SNX9: variants seen among roughly 807,000 people sequenced by gnomAD.
SNX9 encodes sorting nexin 9.
SNX9 carries 44 observed loss-of-function variants against 89.4 expected under a neutral mutation model. The ratio of observed to expected loss-of-function variants is 0.49; its 90% CI spans 0.39 to 0.63. The LOEUF is 0.63. Ranked by LOEUF, SNX9 falls within the 30% of genes least tolerant of loss-of-function variation. The pLI is 0.00. For missense variants in SNX9, 578 were observed against 736.1 expected, an observed-to-expected ratio of 0.79 and a Z score of 2.49; for synonymous variants, 236 against 247.8, an observed-to-expected ratio of 0.95 and a Z score of 0.45.
chr6:157,922,246 G>A (rs1031128403), intron 10 of SNX9, among the ~76,000 whole-genome samples: 1 of 152,146 alleles, frequency 6.6e-6, no homozygotes, highest in Non-Finnish European at 1.5e-5. Flanking sequence ...TCTCAAAAGT[G>A]TCTGCTTTGG....
chr6:157,873,013 T>G, intron 2 of SNX9, 89 bp from the exon 3 acceptor site: 1 of 987,116 alleles, frequency 1.0e-6, no homozygotes, highest in Non-Finnish European at 1.4e-6. Flanking sequence ...TTGCTTTTTT[T>G]ATGTATAACA....
At chr6:157,928,723 G>A in intron 12 of SNX9, 21 bp downstream of exon 12, 2 of 1,547,832 alleles carry the variant, frequency 1.3e-6, no homozygotes, top group Non-Finnish European at 1.7e-6. Context: ...TCCTCACAGT[G>A]CACTGGGCTC....
chr6:157,905,955 C>T (rs1390502661), intron 6 of SNX9, among the ~76,000 whole-genome samples, 173 bp from the exon 7 acceptor site: 1 of 152,188 alleles, frequency 6.6e-6, no homozygotes, highest in African/African-American at 2.4e-5. Flanking sequence ...AATTAAATGC[C>T]TAATTGGCCA....
At chr6:157,892,368 C>T (rs893572369) in intron 4 of SNX9, among the ~76,000 whole-genome samples, 3 of 152,102 alleles carry the variant, frequency 2.0e-5, no homozygotes, top group Non-Finnish European at 2.9e-5. Flanking sequence ...GGGACTGAGT[C>T]CGAGGGCCGT....
intron 12 of SNX9, among the ~76,000 whole-genome samples, chr6:157,931,777 A>G (rs114817088): frequency 0.015 from 2,265 of 152,336 alleles, 62 homozygotes; most frequent in African/African-American, 0.051. Flanking sequence ...TTTATTAGCC[A>G]TGTGACCTTG....
chr6:157,835,239 C>T, intron 1 of SNX9, among the ~76,000 whole-genome samples: 1 of 152,068 alleles, frequency 6.6e-6, no homozygotes, highest in East Asian at 1.9e-4. Context: ...TTTCAAACTC[C>T]TGACACCAAG....
Position 157,938,566 on chromosome 6 carries a change from G to A in SNX9, c.1534-67G>A. 5 of 1,027,490 alleles carry A rather than the reference G, an allele frequency of 4.9e-6. No homozygotes were observed. In the South Asian group the frequency reaches 6.8e-5, roughly 14 times the overall value. 63.6% of individuals were successfully genotyped at this position (1,027,490 alleles called of 1,614,324 possible). ...ATCAGTTATAGAATATATTAGCATT[G>A]TTATATTTTAAACTAATGACTAATC... On this transcript the variant is annotated intron_variant, in intron 15 of 17. Transcript: ENST00000392185.
intron 1 of SNX9, among the ~76,000 whole-genome samples, chr6:157,847,248 G>A (rs1303444498): frequency 6.6e-6 from 1 of 152,040 alleles, no homozygotes; most frequent in Non-Finnish European, 1.5e-5. Context: ...GACCACAGGT[G>A]TGCACCACAC....
chr6:157,863,241 C>T (rs897984666), intron 1 of SNX9, among the ~76,000 whole-genome samples: 2 of 152,226 alleles, frequency 1.3e-5, no homozygotes, highest in Admixed American at 1.3e-4. Context: ...TGTGTATGGT[C>T]ATACTCCTCT....
chr6:157,842,287 A>T (rs1029154946), intron 1 of SNX9, among the ~76,000 whole-genome samples: 10 of 152,218 alleles, frequency 6.6e-5, no homozygotes, highest in Admixed American at 5.9e-4. Context: ...TGTAAAACAG[A>T]TTTGCCACAG....
chr6:157,874,894 C>T (rs1562601462), intron 3 of SNX9, 157 bp from the exon 4 acceptor site: 4 of 631,334 alleles, frequency 6.3e-6, no homozygotes, highest in African/African-American at 3.8e-5. Flanking sequence ...GAAAATACAA[C>T]CCATTAAAAT....
chr6:157,851,267 A>G (rs965975445), intron 1 of SNX9, among the ~76,000 whole-genome samples: 2 of 151,192 alleles, frequency 1.3e-5, no homozygotes, highest in South Asian at 4.1e-4. Flanking sequence ...AAAAAAAAAA[A>G]AACCCTAAAA....
At chr6:157,870,694 A>G (rs1021985313) in intron 2 of SNX9, among the ~76,000 whole-genome samples, 2 of 149,502 alleles carry the variant, frequency 1.3e-5, no homozygotes, top group African/African-American at 5.0e-5. Context: ...CACCCTGCAG[A>G]TAGTCTCACC....
At chr6:157,829,679 C>G (rs1781445715) in intron 1 of SNX9, among the ~76,000 whole-genome samples, 1 of 152,154 alleles carries the variant, frequency 6.6e-6, no homozygotes, top group South Asian at 2.1e-4. Context: ...AAGTTTTTAT[C>G]ATTATGAAGT....
At position 157,943,709 on chromosome 6, in the gene SNX9, G is replaced by C. The variant is rs1221591248; in HGVS notation, c.*871G>C. The C allele has an allele frequency of 6.6e-6, 1 of 152,600 alleles. No homozygotes were observed. Among genetic ancestry groups the C allele is most frequent in the East Asian group, 1.9e-4 (1 of 5,208 alleles). 9.5% of individuals were successfully genotyped at this position (152,600 alleles called of 1,614,324 possible). On this transcript the variant is annotated 3_prime_UTR_variant, in exon 18 of 18. Transcript: ENST00000392185. Reference sequence around the variant, plus strand: ...CGGGTGAGTGGCTGTGCGGAGGCCTGTGTTCGGGAGGGCCTGGGAGAAGGA... The same window carrying C: ...CGGGTGAGTGGCTGTGCGGAGGCCTCTGTTCGGGAGGGCCTGGGAGAAGGA...
rs1381852065 is a variant in SNX9 at position 157,909,719 on chromosome 6, G to A, written c.760G>A (p.Val254Ile). Reference protein sequence around the residue: ...VYPTSTFDCVVADPRKGSKMY... With the variant: ...VYPTSTFDCVIADPRKGSKMY... ...TCCTACCTCTACTTTTGACTGTGTG[G>A]TAGCAGATCCCAGGAAAGGCTCCAA... Residue 254 changes from valine (V) to isoleucine (I), a missense_variant, in exon 8 of 18, where the codon GTA (valine) becomes ATA (isoleucine). By Grantham distance (29) the Val-to-Ile change is conservative (BLOSUM62 3). Around this residue, in one of 2 missense-constraint regions of SNX9, gnomAD observed 348 missense variants for 491.4 expected, o/e 0.71. Coordinates refer to ENST00000392185, the MANE Select transcript of SNX9 (RefSeq NM_016224.5). The A allele has an allele frequency of 6.2e-7, 1 of 1,614,050 alleles. No individual in the cohort carries two copies. Among genetic ancestry groups the A allele is most frequent in the African/African-American group, 1.3e-5 (1 of 74,926 alleles).
intron 1 of SNX9, among the ~76,000 whole-genome samples, chr6:157,824,304 G>T (rs1781300570): frequency 2.0e-5 from 3 of 152,294 alleles, no homozygotes; most frequent in South Asian, 2.1e-4. Flanking sequence ...ACTTGATGTA[G>T]AATAGCCACT....
intron 10 of SNX9, among the ~76,000 whole-genome samples, chr6:157,926,072 T>A (rs1783685639): frequency 1.3e-5 from 2 of 152,174 alleles, no homozygotes; most frequent in Admixed American, 6.5e-5. Flanking sequence ...CCTAATCACT[T>A]CTTAAAGGCC....
intron 10 of SNX9, among the ~76,000 whole-genome samples, chr6:157,923,850 T>C (rs1783633350): frequency 6.6e-6 from 1 of 152,176 alleles, no homozygotes; most frequent in Non-Finnish European, 1.5e-5. Flanking sequence ...GCTGGGTCAG[T>C]TGGATGGCAA....
Sources: gnomAD v4.1 joint callset for allele counts (sites outside exome capture counted in the v4.1 genomes callset) on GRCh38, gnomAD v4.1.1 for gene constraint, gnomAD v4.1.1 regional missense constraint, MANE v1.5 for transcripts, NCBI Gene and HGNC (gene_info 2026-07-23, HGNC 2026-07-21) for gene names.